The following CACNA1C variants were observed in gnomAD, a reference collection of about 807,000 sequenced individuals.
CACNA1C encodes the protein voltage-dependent L-type calcium channel subunit alpha-1C.
A neutral mutation model predicts 229.0 loss-of-function variants in CACNA1C; 30 were observed. The observed-to-expected ratio is 0.13, with a 90% CI of 0.10 to 0.18. The LOEUF (loss-of-function observed/expected upper bound fraction) is 0.18, where lower values mean the gene tolerates loss of function less well. Among genes scored for constraint, CACNA1C ranks in the 10% least tolerant of loss-of-function variants. The pLI is 1.00. For missense variants in CACNA1C, 1,658 were observed against 2,845.0 expected (o/e 0.58, Z 9.49); for synonymous variants, 1,114 against 1,132.5 (o/e 0.98, Z 0.33).
chr12:2,381,116 G>A (rs1032338330), intron 3 of CACNA1C, among the ~76,000 whole-genome samples: 6 of 152,240 alleles, frequency 3.9e-5, no homozygotes, highest in African/African-American at 1.4e-4. Flanking sequence ...GCTGCCTGTG[G>A]TTGTGGGAAG....
At chr12:2,284,117 C>G (rs2092167824) in intron 3 of CACNA1C, among the ~76,000 whole-genome samples, 1 of 152,198 alleles carries the variant, frequency 6.6e-6, no homozygotes, top group South Asian at 2.1e-4. Context: ...ATCCCCCTAG[C>G]TCGTCCCTGG....
chr12:2,018,840 T>A (rs2154486412), intron 1 of CACNA1C, among the ~76,000 whole-genome samples: 1 of 152,298 alleles, frequency 6.6e-6, no homozygotes, highest in African/African-American at 2.4e-5. Context: ...AAGACAGAAC[T>A]TTTCCCTTAC....
At chr12:2,618,066 G>A (rs1240680644) in intron 29 of CACNA1C, among the ~76,000 whole-genome samples, 1 of 152,234 alleles carries the variant, frequency 6.6e-6, no homozygotes, top group East Asian at 1.9e-4. Flanking sequence ...GGGGACTTTG[G>A]AGGCTGAGGG....
intron 3 of CACNA1C, among the ~76,000 whole-genome samples, chr12:2,139,201 C>T (rs1371410751): frequency 2.0e-5 from 3 of 151,004 alleles, no homozygotes; most frequent in African/African-American, 2.4e-5. Context: ...TTGCCAGCAG[C>T]GCCTGGCATC....
rs2050145577 is a variant in CACNA1C, at chr12:2,041,711, A to G, written c.139+70510A>G. Among the ~76,000 whole-genome samples, 3 of 152,372 alleles carry G rather than the reference A, an allele frequency of 2.0e-5. 1 individual carries two copies. In the South Asian group the frequency reaches 6.2e-4, roughly 32 times the overall value. The stretch of plus-strand genomic sequence containing the variant: ...TTCAAGATCATGTTGGGGATAGAAG[A>G]CAGAGTGAGAATGAGAAAGCAGAGA... On this transcript the variant is annotated intron_variant, in intron 1 of 46. Transcript: ENST00000682462.
intron 30 of CACNA1C, among the ~76,000 whole-genome samples, chr12:2,642,643 C>T (rs118096133): frequency 0.033 from 4,998 of 152,320 alleles, 120 homozygotes; most frequent in Middle Eastern, 0.12. Context: ...GTCTCTGCCC[C>T]GCCCTGCCTC....
At chr12:2,270,708 G>C (rs11609165) in intron 3 of CACNA1C, among the ~76,000 whole-genome samples, 9,878 of 152,212 alleles carry the variant, frequency 0.065, 364 homozygotes, top group African/African-American at 0.091. Context: ...CTTGGCCATG[G>C]GATGTCTTAA....
At chr12:2,335,221 G>A (rs575893146) in intron 3 of CACNA1C, among the ~76,000 whole-genome samples, 1 of 152,288 alleles carries the variant, frequency 6.6e-6, no homozygotes, top group Non-Finnish European at 1.5e-5. Context: ...GGCGATTTTA[G>A]GCTGGGTTCC....
At chr12:2,370,972 AC>A (rs755434195) in intron 3 of CACNA1C, among the ~76,000 whole-genome samples, 14 of 152,190 alleles carry the variant, frequency 9.2e-5, no homozygotes, top group Non-Finnish European at 1.3e-4. Flanking sequence ...CATGTTGGTC[AC>A]ATTCAGTGAG....
intron 1 of CACNA1C, among the ~76,000 whole-genome samples, chr12:2,014,288 A>G (rs56957904): frequency 0.016 from 2,369 of 150,830 alleles, 64 homozygotes; most frequent in African/African-American, 0.055. Context: ...TTTTTTTTTA[A>G]CCCAAATAAG....
chr12:2,482,213 C>A (rs1321430089), intron 5 of CACNA1C, among the ~76,000 whole-genome samples: 1 of 152,354 alleles, frequency 6.6e-6, no homozygotes, highest in Non-Finnish European at 1.5e-5. Context: ...CCTGGACCAG[C>A]CTTGGAAACA....
At chr12:2,517,685 T>A (rs536988698) in intron 9 of CACNA1C, among the ~76,000 whole-genome samples, 4 of 152,300 alleles carry the variant, frequency 2.6e-5, no homozygotes, top group African/African-American at 9.6e-5. Context: ...GAGAAGCCCC[T>A]GTGAAGGGAC....
chr12:2,675,804 G>A (rs909696199), intron 39 of CACNA1C, among the ~76,000 whole-genome samples: 7 of 152,184 alleles, frequency 4.6e-5, no homozygotes, highest in African/African-American at 1.7e-4. Flanking sequence ...AGCTGTGATT[G>A]CAGAACATGC....
chr12:2,009,645 C>G (rs557632833), intron 1 of CACNA1C, among the ~76,000 whole-genome samples: 11 of 152,114 alleles, frequency 7.2e-5, no homozygotes, highest in African/African-American at 2.7e-4. Flanking sequence ...ATGAGTTGCC[C>G]TTTTTTTGCT....
intron 9 of CACNA1C, among the ~76,000 whole-genome samples, chr12:2,530,909 A>G (rs184382691): frequency 1.8e-4 from 27 of 152,326 alleles, no homozygotes; most frequent in Admixed American, 1.8e-3. Flanking sequence ...AGAATGCTGT[A>G]TCCCTTCCAG....
Position 2,115,538 on chromosome 12 carries a change from G to A in CACNA1C, c.364G>A (p.Glu122Lys). The change falls in exon 2 of 47, where the codon GAA becomes AAA. Residue 122 changes from glutamate to lysine, a missense_variant. Physicochemically the swap from Glu to Lys is moderately conservative, Grantham distance 56. Coordinates refer to ENST00000399655, the MANE Select transcript of CACNA1C (RefSeq NM_000719.7). ...CCGGAGGGCCTGCATCAGCATTGTC[G>A]AATGGAAATATCCTTTGTTCACCGG... Reference protein sequence around the residue: ...PIRRACISIVEWKPFEIIILL... With the variant: ...PIRRACISIVKWKPFEIIILL... 6.2e-7 allele frequency: 1 copy of A among 1,613,182 alleles called. No homozygotes were observed. The highest frequency in any genetic ancestry group is 8.5e-7 in the Non-Finnish European group (1 of 1,179,784).
chr12:2,306,965 GC>G (rs2095080485), intron 3 of CACNA1C, among the ~76,000 whole-genome samples: 1 of 152,148 alleles, frequency 6.6e-6, no homozygotes, highest in South Asian at 2.1e-4. Flanking sequence ...CACTTCCCCA[GC>G]CCCGTGACTA....
chr12:2,353,779 C>A (rs192475541), intron 3 of CACNA1C, among the ~76,000 whole-genome samples: 2 of 152,114 alleles, frequency 1.3e-5, no homozygotes, highest in South Asian at 4.1e-4. Context: ...GCTGAGATGG[C>A]CAGAGCCTGT....
Position 2,046,554 on chromosome 12 carries a change from C to T in CACNA1C, c.140-68670C>T, listed in dbSNP as rs188864692. ...ACACATGGTAGATGAATTCTCCCAC[C>T]GGGAGAGCCAGTCCCCAGGATCAGG... On this transcript the variant is annotated intron_variant, in intron 1 of 46. Transcript: ENST00000682462. 5.3e-5 allele frequency among the ~76,000 whole-genome samples: 8 copies of T among 152,238 alleles called. No individual in the cohort carries two copies. The East Asian group carries it at 7.7e-4, about 15-fold the overall frequency.
Sources: allele counts gnomAD v4.1 joint callset (sites outside exome capture counted in the v4.1 genomes callset), GRCh38; gene constraint gnomAD v4.1.1; transcripts MANE v1.5; gene names NCBI Gene and HGNC (gene_info 2026-07-23, HGNC 2026-07-21).